SGSM2: variants seen among roughly 807,000 people sequenced by gnomAD.
SGSM2 encodes RUN and TBC1 domain containing 1.
In SGSM2, 89 loss-of-function variants were observed where a neutral mutation model predicts 126.6. The ratio of observed to expected loss-of-function variants is 0.70; its 90% CI spans 0.59 to 0.84. SGSM2 has a LOEUF of 0.84. Ranked by LOEUF, SGSM2 falls within the 40% of genes least tolerant of loss-of-function variation. The pLI, the probability that SGSM2 is intolerant of heterozygous loss-of-function variation, is 0.00. For synonymous variants in SGSM2, 614 were observed against 574.3 expected (o/e 1.07, Z -0.99); for missense variants, 1,404 against 1,416.6 (o/e 0.99, Z 0.14).
chr17:2,380,127 G>A lies in SGSM2; in HGVS notation c.*607G>A. On this transcript the variant is annotated 3_prime_UTR_variant, in exon 24 of 24. Transcript: ENST00000268989. ...GTCGGAAGATGTGGGCCCTGGGTGG[G>A]AGCAGCCCACTTCAGCAGCACTGCC... 1 of 1,420,918 alleles carries A rather than the reference G, an allele frequency of 7.0e-7. No homozygotes were observed. Among genetic ancestry groups the A allele is most frequent in the Non-Finnish European group, 9.2e-7 (1 of 1,088,586 alleles). 88.0% of individuals were successfully genotyped at this position (1,420,918 alleles called of 1,614,324 possible). A position where few individuals can be genotyped will look rare whatever the true frequency, so the allele number is the denominator to read the frequency against.
In SGSM2 at chr17:2,380,057, G is replaced by T. The variant is rs1264084913; in HGVS notation, c.*537G>T. ...ACGGGTGCGGGAGACCCGGGCACGGGAGACCCGGGCCGCCTTCAGGCCGCT... is the reference window on the plus strand; with the variant it reads ...ACGGGTGCGGGAGACCCGGGCACGGTAGACCCGGGCCGCCTTCAGGCCGCT... On this transcript the variant is annotated 3_prime_UTR_variant, in exon 24 of 24. Coordinates refer to ENST00000268989, the MANE Select transcript of SGSM2 (RefSeq NM_014853.3). 2.8e-6 allele frequency: 4 copies of T among 1,407,318 alleles called. No homozygotes were observed. Among genetic ancestry groups the T allele is most frequent in the Non-Finnish European group, 3.7e-6 (4 of 1,087,290 alleles). The allele number at this position is 1,407,318 out of a possible 1,614,324, so 87.2% of individuals were successfully genotyped here. A position where few individuals can be genotyped will look rare whatever the true frequency, so the allele number is the denominator to read the frequency against.
chr17:2,357,428 C>T (rs1194841365), intron 2 of SGSM2, among the ~76,000 whole-genome samples: 1 of 152,160 alleles, frequency 6.6e-6, no homozygotes, highest in African/African-American at 2.4e-5. Flanking sequence ...TGGAATACTA[C>T]TCAGCCATAA....
intron 11 of SGSM2, 107 bp downstream of exon 11, chr17:2,365,448 A>G: frequency 7.6e-7 from 1 of 1,309,994 alleles, no homozygotes; most frequent in Non-Finnish European, 1.0e-6. Context: ...TGACCAGGCC[A>G]GGTTAACACC....
intron 17 of SGSM2, among the ~76,000 whole-genome samples, chr17:2,374,861 A>G (rs1264384874): frequency 2.0e-5 from 3 of 152,226 alleles, no homozygotes; most frequent in Non-Finnish European, 4.4e-5. Context: ...TGGTGAAAAC[A>G]GAGAGAGAAA....
Position 2,377,868 on chromosome 17 carries a change from A to G in SGSM2, c.2814A>G (p.Ser938=). Residue 938 remains serine (S), a synonymous_variant, in exon 22 of 24, where the codon TCA becomes TCG. Transcript: ENST00000268989. ...NMRSLIQILD[S]ELFELMHQNG... ...CCCACCCACATAAGATCCTGGACTC[A>G]GAGCTGTTTGAGCTGATGCATCAGA... 6.2e-7 allele frequency: 1 copy of G among 1,609,390 alleles called. No homozygotes were observed. The highest frequency in any genetic ancestry group is 1.7e-5 in the Admixed American group (1 of 59,994).
chr17:2,360,949 G>A (rs554282429), intron 2 of SGSM2, among the ~76,000 whole-genome samples: 18 of 152,220 alleles, frequency 1.2e-4, no homozygotes, highest in South Asian at 8.3e-4. Flanking sequence ...AAGCTTCTCC[G>A]CCCCACACAC....
rs775767693 is a variant in SGSM2, at chr17:2,363,618, G to A, written c.807+19G>A. 85 of 1,610,774 alleles carry A rather than the reference G, an allele frequency of 5.3e-5. No homozygotes were observed. The highest frequency in any genetic ancestry group is 1.4e-5 in the Non-Finnish European group (16 of 1,178,084). ...GCAGCCGGTAGGAAAGCTTCATCCT[G>A]CCATCCCTCCCCGAAGGTCCCCGAA... On this transcript the variant is annotated intron_variant, in intron 7 of 23. Transcript: ENST00000268989. The surrounding 1 kb of genome is among the most constrained non-coding windows in gnomAD (Gnocchi z 4.2).
chr17:2,371,469 G>C, intron 13 of SGSM2, 54 bp downstream of exon 13: 1 of 1,532,492 alleles, frequency 6.5e-7, no homozygotes, highest in East Asian at 2.3e-5. Flanking sequence ...AGCCACGTGT[G>C]TGTCCGTCTG....
intron 2 of SGSM2, among the ~76,000 whole-genome samples, chr17:2,345,230 G>A (rs996355518): frequency 5.3e-5 from 8 of 152,010 alleles, no homozygotes; most frequent in African/African-American, 1.9e-4. Flanking sequence ...TGGGAGGTGA[G>A]GCAGGTGGAT....
chr17:2,363,102 C>T lies in SGSM2; in HGVS notation c.640C>T (p.Gln214Ter). ...CCGCATCCGGGGTCCACCTACTCGC[C>T]AGGACTCCCCTGCAAAGCGCCCAGC... is the stretch of plus-strand genomic sequence containing the variant. ...RHRIRGPPTR[Q>*]DSPAKRPALG... Residue 214 changes from glutamine to a stop codon, truncating the protein, a stop_gained, in exon 6 of 24, where the codon CAG becomes TAG. Coordinates refer to ENST00000268989, the MANE Select transcript of SGSM2 (RefSeq NM_014853.3). LOFTEE classifies it high-confidence loss of function. This position sits in a 1 kb window ranked among gnomAD's most constrained non-coding sequence, Gnocchi z 4.2. The T allele has an allele frequency of 1.9e-6, 3 of 1,611,542 alleles. No individual in the cohort carries two copies. Among genetic ancestry groups the T allele is most frequent in the Non-Finnish European group, 2.5e-6 (3 of 1,179,284 alleles).
Position 2,379,421 on chromosome 17 carries a change from T to C in SGSM2, c.3068-11T>C. 6.2e-7 allele frequency: 1 copy of C among 1,610,686 alleles called. No homozygotes were observed. The highest frequency in any genetic ancestry group is 8.5e-7 in the Non-Finnish European group (1 of 1,177,594). On this transcript the variant is annotated splice_polypyrimidine_tract_variant and intron_variant, in intron 23 of 23. Transcript: ENST00000268989. ...CTGGGCCTCTCTACAGCTCTTCACG[T>C]TTCCCCCCAGAACGTGCTGAGCATC...
In SGSM2 at chr17:2,367,021, C is replaced by T; in HGVS notation, c.1289-250C>T. The T allele has an allele frequency of 2.1e-6, 1 of 484,100 alleles. No individual in the cohort carries two copies. Among genetic ancestry groups the T allele is most frequent in the Non-Finnish European group, 3.7e-6 (1 of 267,380 alleles). The allele number at this position is 484,100 out of a possible 1,614,324, so 30.0% of individuals were successfully genotyped here. On this transcript the variant is annotated intron_variant, in intron 11 of 23. Coordinates refer to ENST00000268989, the MANE Select transcript of SGSM2 (RefSeq NM_014853.3). This position sits in a 1 kb window ranked among gnomAD's most constrained non-coding sequence, Gnocchi z 4.0. The stretch of plus-strand genomic sequence containing the variant: ...TCACATCCTCCCACCTCTGTTCTCT[C>T]TCTTCTGTTCTTCCTAGAGAGGCTG...
intron 2 of SGSM2, among the ~76,000 whole-genome samples, chr17:2,347,409 ATT>A (rs370675318): frequency 3.0e-4 from 39 of 131,222 alleles, no homozygotes; most frequent in African/African-American, 5.9e-4. Flanking sequence ...ACCCGGCCTC[ATT>A]TTTTTTTTTT....
chr17:2,353,539 G>A (rs1179401267), intron 2 of SGSM2, among the ~76,000 whole-genome samples: 2 of 152,198 alleles, frequency 1.3e-5, no homozygotes, highest in Non-Finnish European at 2.9e-5. Context: ...GAGACGGGCA[G>A]ATTGCTTGAG....
chr17:2,367,101 C>A lies in SGSM2; in HGVS notation c.1289-170C>A. ...CCAGCCCCTCGCCTCCTTCCACACT[C>A]TCCCAGGAAAATCATCCAAAGAGCT... On this transcript the variant is annotated intron_variant, in intron 11 of 23. Transcript: ENST00000268989. This position sits in a 1 kb window ranked among gnomAD's most constrained non-coding sequence, Gnocchi z 4.0. The A allele has an allele frequency of 1.3e-6, 1 of 750,338 alleles. No individual in the cohort carries two copies. The highest frequency in any genetic ancestry group is 2.1e-6 in the Non-Finnish European group (1 of 479,526). The allele number at this position is 750,338 out of a possible 1,614,324, so 46.5% of individuals were successfully genotyped here. A position where few individuals can be genotyped will look rare whatever the true frequency, so the allele number is the denominator to read the frequency against.
In SGSM2 at chr17:2,362,651, G is replaced by A. The variant is rs1019561889; in HGVS notation, c.459-187G>A. Among the ~76,000 whole-genome samples the A allele has an allele frequency of 1.5e-4, 23 of 152,208 alleles. No individual in the cohort carries two copies. Among genetic ancestry groups the A allele is most frequent in the African/African-American group, 4.6e-4 (19 of 41,522 alleles). ...CCTGTAGGCAACCCTCCATCTCCCCGTCCCCTTCGGTGCCCTCAAGGCATT... is the reference window on the plus strand; with the variant it reads ...CCTGTAGGCAACCCTCCATCTCCCCATCCCCTTCGGTGCCCTCAAGGCATT... On this transcript the variant is annotated intron_variant, in intron 4 of 23. Transcript: ENST00000268989. This position sits in a 1 kb window ranked among gnomAD's most constrained non-coding sequence, Gnocchi z 4.9.
rs2066342161 is a variant in SGSM2 at position 2,379,916 on chromosome 17, G to A, written c.*396G>A. The A allele has an allele frequency of 7.7e-7, 1 of 1,302,016 alleles. No homozygotes were observed. Among genetic ancestry groups the A allele is most frequent in the East Asian group, 3.0e-5 (1 of 32,990 alleles). 80.7% of individuals were successfully genotyped at this position (1,302,016 alleles called of 1,614,324 possible). A position where few individuals can be genotyped will look rare whatever the true frequency, so the allele number is the denominator to read the frequency against. On this transcript the variant is annotated 3_prime_UTR_variant, in exon 24 of 24. Transcript: ENST00000268989. Reference sequence around the variant, plus strand: ...GGCCCTACTCAGCTGGGGTGGCAGAGGGCGAGAGGCTCTGTGCTGTGTCCC... The same window carrying A: ...GGCCCTACTCAGCTGGGGTGGCAGAAGGCGAGAGGCTCTGTGCTGTGTCCC...
chr17:2,376,592 T>G, intron 19 of SGSM2, 141 bp from the exon 20 acceptor site: 1 of 917,122 alleles, frequency 1.1e-6, no homozygotes, highest in Non-Finnish European at 1.7e-6. Context: ...TGTCTCCCTG[T>G]GGGGGGTGCA....
chr17:2,346,598 C>G (rs1219335340), intron 2 of SGSM2, among the ~76,000 whole-genome samples: 1 of 152,110 alleles, frequency 6.6e-6, no homozygotes, highest in African/African-American at 2.4e-5. Flanking sequence ...ACCTGTCTGT[C>G]CAGAAGCTGG....
Sources: gnomAD v4.1 joint callset for allele counts (sites outside exome capture counted in the v4.1 genomes callset) on GRCh38, gnomAD v4.1.1 for gene constraint, Gnocchi (gnomAD v3.1) non-coding constraint, MANE v1.5 for transcripts, NCBI Gene and HGNC (gene_info 2026-07-23, HGNC 2026-07-21) for gene names.